LHFPL2: variants seen among roughly 807,000 people sequenced by gnomAD.
The protein encoded by LHFPL2 is LHFPL tetraspan subfamily member 2, also known as LHFPL tetraspan subfamily member 2 protein.
In LHFPL2, 7 loss-of-function variants were observed where a neutral mutation model predicts 17.5. The ratio of observed to expected loss-of-function variants is 0.40; its 90% CI spans 0.23 to 0.75. The LOEUF (loss-of-function observed/expected upper bound fraction) is 0.75, where lower values mean the gene tolerates loss of function less well. Among genes scored for constraint, LHFPL2 ranks in the 30% least tolerant of loss-of-function variants. LHFPL2 has a pLI of 0.37. For synonymous variants in LHFPL2, 134 were observed against 116.2 expected (o/e 1.15, Z -0.99); for missense variants, 241 against 294.8 (o/e 0.82, Z 1.34).
At chr5:78,490,535 G>A (rs995306245) in intron 4 of LHFPL2, among the ~76,000 whole-genome samples, 5 of 151,978 alleles carry the variant, frequency 3.3e-5, no homozygotes, top group Non-Finnish European at 5.9e-5. Flanking sequence ...GGTGGATCAC[G>A]AGGTCAAGAG....
At chr5:78,638,732 C>T (rs1745555530) in intron 1 of LHFPL2, among the ~76,000 whole-genome samples, 1 of 152,176 alleles carries the variant, frequency 6.6e-6, no homozygotes, top group East Asian at 1.9e-4. Flanking sequence ...ACTCAAAGAA[C>T]CTGAGTGGCT....
At chr5:78,584,479 G>C (rs935307353) in intron 2 of LHFPL2, among the ~76,000 whole-genome samples, 5 of 152,118 alleles carry the variant, frequency 3.3e-5, no homozygotes, top group African/African-American at 9.7e-5. Flanking sequence ...TGTCCTTTCT[G>C]TTTGTGAGTT....
intron 2 of LHFPL2, among the ~76,000 whole-genome samples, chr5:78,591,951 A>G (rs1277655664): frequency 6.6e-6 from 1 of 152,254 alleles, no homozygotes; most frequent in Non-Finnish European, 1.5e-5. Context: ...GACAGGTCTG[A>G]GAACTGATTC....
At position 78,526,099 on chromosome 5, in the gene LHFPL2, C is replaced by T. The variant is rs76745866; in HGVS notation, c.-185-15701G>A. Among the ~76,000 whole-genome samples, 310 of 152,230 alleles carry T rather than the reference C, an allele frequency of 2.0e-3. 2 individuals carry two copies. In the East Asian group the frequency reaches 0.031, roughly 15 times the overall value. The stretch of plus-strand genomic sequence containing the variant: ...CTCAGTAGGAAACTGAACAAAGCCC[C>T]GCTCTCTGCCTCTTCTGCTGGCCTC... On this transcript the variant is annotated intron_variant, in intron 3 of 4. Coordinates refer to ENST00000380345, the MANE Select transcript of LHFPL2 (RefSeq NM_005779.3).
chr5:78,506,830 A>C (rs16875544), intron 4 of LHFPL2, among the ~76,000 whole-genome samples: 9,456 of 152,262 alleles, frequency 0.062, 515 homozygotes, highest in East Asian at 0.25. Flanking sequence ...CAGTCAAACT[A>C]TGCAGGAATC....
chr5:78,561,547 A>G (rs1026358900), intron 3 of LHFPL2, among the ~76,000 whole-genome samples: 24 of 152,240 alleles, frequency 1.6e-4, no homozygotes, highest in African/African-American at 9.6e-5. Context: ...TATTCAGATC[A>G]TCTTCCCTGG....
chr5:78,564,458 T>G (rs564146538), intron 3 of LHFPL2, among the ~76,000 whole-genome samples: 1 of 152,056 alleles, frequency 6.6e-6, no homozygotes, highest in South Asian at 2.1e-4. Context: ...CTGAGAGAAA[T>G]GATAAAAATG....
intron 1 of LHFPL2, among the ~76,000 whole-genome samples, chr5:78,646,521 A>G (rs910107473): frequency 2.0e-5 from 3 of 152,260 alleles, no homozygotes; most frequent in African/African-American, 7.2e-5. Flanking sequence ...AAACAGAGAA[A>G]TTAAATAACA....
At chr5:78,530,521 G>A (rs1755750380) in intron 3 of LHFPL2, among the ~76,000 whole-genome samples, 1 of 152,166 alleles carries the variant, frequency 6.6e-6, no homozygotes, top group South Asian at 2.1e-4. Flanking sequence ...CTTCCTCAAA[G>A]CGTCCATCAT....
chr5:78,571,094 T>G (rs1756988412), intron 2 of LHFPL2, among the ~76,000 whole-genome samples: 1 of 152,158 alleles, frequency 6.6e-6, no homozygotes, highest in African/African-American at 2.4e-5. Flanking sequence ...GCATCTTTCC[T>G]TTTCCAAAGG....
intron 3 of LHFPL2, among the ~76,000 whole-genome samples, chr5:78,520,807 ACTG>A (rs1431070069): frequency 2.2e-5 from 3 of 138,968 alleles, no homozygotes; most frequent in African/African-American, 3.4e-5. Flanking sequence ...CTTTCGGCTA[ACTG>A]CTAACTGCTA....
chr5:78,510,863 C>T (rs1755098188), intron 3 of LHFPL2, among the ~76,000 whole-genome samples: 1 of 152,228 alleles, frequency 6.6e-6, no homozygotes, highest in Non-Finnish European at 1.5e-5. Flanking sequence ...ACTAGGTGAG[C>T]TAAGTTTTGA....
At chr5:78,626,424 C>G (rs1169786191) in intron 2 of LHFPL2, 1 of 152,278 alleles carries the variant, frequency 6.6e-6, no homozygotes, top group Non-Finnish European at 1.5e-5. Context: ...ACTCTTGCAT[C>G]CGCGTAGAGA....
At chr5:78,559,482 T>G (rs1756667190) in intron 3 of LHFPL2, among the ~76,000 whole-genome samples, 1 of 152,228 alleles carries the variant, frequency 6.6e-6, no homozygotes, top group South Asian at 2.1e-4. Context: ...AGAAGTCTTC[T>G]GTGGGATACG....
chr5:78,603,359 AT>A (rs1744090913), intron 2 of LHFPL2, among the ~76,000 whole-genome samples: 2 of 152,230 alleles, frequency 1.3e-5, no homozygotes. Flanking sequence ...GAAAACTGTT[AT>A]CCCCCATCAG....
At chr5:78,544,419 G>A (rs1008215593) in intron 3 of LHFPL2, among the ~76,000 whole-genome samples, 3 of 152,036 alleles carry the variant, frequency 2.0e-5, no homozygotes, top group Non-Finnish European at 4.4e-5. Context: ...AAAGCAAATC[G>A]GCTTCAGCAC....
chr5:78,577,160 C>T (rs1341155858), intron 2 of LHFPL2, among the ~76,000 whole-genome samples: 6 of 152,200 alleles, frequency 3.9e-5, no homozygotes, highest in African/African-American at 1.4e-4. Context: ...ATGAGAGACG[C>T]AGGCCTTCCA....
chr5:78,586,473 G>A (rs528848893), intron 2 of LHFPL2, among the ~76,000 whole-genome samples: 97 of 152,254 alleles, frequency 6.4e-4, no homozygotes, highest in Middle Eastern at 3.4e-3. Context: ...AAGCCCAGGC[G>A]CACTGAGTCA....
At chr5:78,553,885 C>A (rs989788974) in intron 3 of LHFPL2, among the ~76,000 whole-genome samples, 40 of 152,354 alleles carry the variant, frequency 2.6e-4, no homozygotes, top group Non-Finnish European at 4.9e-4. Flanking sequence ...GGAGCCCTGA[C>A]AATTCAGTTG....
Sources: allele counts gnomAD v4.1 joint callset (sites outside exome capture counted in the v4.1 genomes callset), GRCh38; gene constraint gnomAD v4.1.1; transcripts MANE v1.5; gene names NCBI Gene and HGNC (gene_info 2026-07-23, HGNC 2026-07-21).